CADM1: variants seen among roughly 807,000 people sequenced by gnomAD.
The protein encoded by CADM1 is cell adhesion molecule 1, also known as TSLC-1.
A neutral mutation model predicts 53.1 loss-of-function variants in CADM1; 15 were observed. The ratio of observed to expected loss-of-function variants is 0.28; its 90% CI spans 0.19 to 0.44. The LOEUF (loss-of-function observed/expected upper bound fraction) is 0.44. CADM1 is among the 20% of genes least tolerant of loss of function. The pLI, the probability that CADM1 is intolerant of heterozygous loss-of-function variation, is 1.00. For missense variants in CADM1, 434 were observed against 611.3 expected, an observed-to-expected ratio of 0.71 and a Z score of 3.06; for synonymous variants, 281 against 243.0, an observed-to-expected ratio of 1.16 and a Z score of -1.45.
At chr11:115,238,198 A>G (rs1047721666) in intron 3 of CADM1, among the ~76,000 whole-genome samples, 2 of 152,196 alleles carry the variant, frequency 1.3e-5, no homozygotes, top group African/African-American at 4.8e-5. Flanking sequence ...AAATCCCGGT[A>G]GTTAGAAGTA....
chr11:115,169,601 G>A lies in CADM1; in HGVS notation c.*6873C>T. Reference sequence around the variant, plus strand: ...ATAGCTGCCCTCATCACTTTATTCTGGGAGAGGAGGTTAGAGAAAACAGGC... The same window carrying A: ...ATAGCTGCCCTCATCACTTTATTCTAGGAGAGGAGGTTAGAGAAAACAGGC... On this transcript the variant is annotated 3_prime_UTR_variant, in exon 12 of 12. Transcript: ENST00000331581. 2.2e-6 allele frequency: 1 copy of A among 456,608 alleles called. No individual in the cohort carries two copies. 28.3% of individuals were successfully genotyped at this position (456,608 alleles called of 1,614,324 possible). A position where few individuals can be genotyped will look rare whatever the true frequency, so the allele number is the denominator to read the frequency against.
chr11:115,454,092 C>T (rs1225714682), intron 1 of CADM1, among the ~76,000 whole-genome samples: 1 of 151,926 alleles, frequency 6.6e-6, no homozygotes, highest in Non-Finnish European at 1.5e-5. Context: ...AAAGCCTTGC[C>T]TCTTCATGGA....
intron 1 of CADM1, among the ~76,000 whole-genome samples, chr11:115,318,348 C>A (rs2135181277): frequency 6.6e-6 from 1 of 152,258 alleles, no homozygotes. Context: ...TTCCAGAAAT[C>A]ACATCCTAAT....
At chr11:115,442,980 C>A (rs1046282505) in intron 1 of CADM1, among the ~76,000 whole-genome samples, 1 of 152,178 alleles carries the variant, frequency 6.6e-6, no homozygotes, top group African/African-American at 2.4e-5. Flanking sequence ...TAAGTAGATA[C>A]AAGAGGGTAT....
At chr11:115,234,242 T>C (rs1264510152) in intron 3 of CADM1, among the ~76,000 whole-genome samples, 2 of 152,336 alleles carry the variant, frequency 1.3e-5, no homozygotes, top group East Asian at 3.9e-4. Context: ...GGAAAGTCTT[T>C]ATTGCCTCCA....
chr11:115,481,954 A>C (rs1393414409), intron 1 of CADM1, among the ~76,000 whole-genome samples: 1 of 152,078 alleles, frequency 6.6e-6, no homozygotes, highest in Non-Finnish European at 1.5e-5. Context: ...CATGGAATAA[A>C]ACCCAGACTT....
In CADM1 at chr11:115,173,259, G is replaced by C. The variant is rs995335718; in HGVS notation, c.*3215C>G. ...AACACAGGGAAGTTGGTGAGGGTGG[G>C]GGGGCGGTGAGAGAGGGGATGAGTG... is the stretch of plus-strand genomic sequence containing the variant. On this transcript the variant is annotated 3_prime_UTR_variant, in exon 12 of 12. Coordinates refer to ENST00000331581, the MANE Select transcript of CADM1 (RefSeq NM_001301043.2). The C allele has an allele frequency of 6.6e-6, 1 of 152,378 alleles. No homozygotes were observed. Among genetic ancestry groups the C allele is most frequent in the Non-Finnish European group, 1.5e-5 (1 of 68,164 alleles). The allele number at this position is 152,378 out of a possible 1,614,324, so 9.4% of individuals were successfully genotyped here.
At chr11:115,358,635 T>C (rs1945942569) in intron 1 of CADM1, among the ~76,000 whole-genome samples, 1 of 152,168 alleles carries the variant, frequency 6.6e-6, no homozygotes, top group Non-Finnish European at 1.5e-5. Context: ...ATTATTACAC[T>C]CTTTTTATCC....
At chr11:115,241,786 T>C (rs1942241290) in intron 1 of CADM1, among the ~76,000 whole-genome samples, 1 of 152,140 alleles carries the variant, frequency 6.6e-6, no homozygotes, top group Non-Finnish European at 1.5e-5. Flanking sequence ...AGGACCTCCC[T>C]ATGCAGCTGT....
chr11:115,492,146 C>A (rs1318024375), intron 1 of CADM1, among the ~76,000 whole-genome samples: 5 of 151,940 alleles, frequency 3.3e-5, no homozygotes, highest in Non-Finnish European at 7.4e-5. Flanking sequence ...AAGTAAAATA[C>A]AGCCAAATGA....
intron 1 of CADM1, among the ~76,000 whole-genome samples, chr11:115,255,740 T>C: frequency 6.6e-6 from 1 of 152,182 alleles, no homozygotes; most frequent in Admixed American, 6.5e-5. Flanking sequence ...TTTTTAAAAA[T>C]TCAAGGTTGC....
chr11:115,259,557 C>T (rs567428747), intron 1 of CADM1, among the ~76,000 whole-genome samples: 6 of 152,110 alleles, frequency 3.9e-5, no homozygotes, highest in East Asian at 1.9e-4. Flanking sequence ...CCACCCGCCT[C>T]GGCCTCCTGA....
chr11:115,378,361 G>C (rs760117838), intron 1 of CADM1, among the ~76,000 whole-genome samples: 1 of 152,008 alleles, frequency 6.6e-6, no homozygotes, highest in Non-Finnish European at 1.5e-5. Flanking sequence ...TACTCTCATT[G>C]GAGGTTGAAC....
At chr11:115,249,646 G>A (rs1398117934) in intron 1 of CADM1, among the ~76,000 whole-genome samples, 1 of 152,108 alleles carries the variant, frequency 6.6e-6, no homozygotes, top group African/African-American at 2.4e-5. Flanking sequence ...AAATCTAAGG[G>A]AACTTAGATT....
chr11:115,300,639 C>T (rs1944195692), intron 1 of CADM1, among the ~76,000 whole-genome samples: 1 of 151,988 alleles, frequency 6.6e-6, no homozygotes, highest in Non-Finnish European at 1.5e-5. Flanking sequence ...AGGGAATGCT[C>T]GTATCCCTAT....
At chr11:115,260,695 C>T (rs546816274) in intron 1 of CADM1, among the ~76,000 whole-genome samples, 23 of 152,038 alleles carry the variant, frequency 1.5e-4, no homozygotes, top group Admixed American at 8.5e-4. Flanking sequence ...TTTTTTCAGA[C>T]GGGGTCTCGC....
At chr11:115,456,017 G>T (rs773177525) in intron 1 of CADM1, among the ~76,000 whole-genome samples, 8 of 152,130 alleles carry the variant, frequency 5.3e-5, no homozygotes, top group Non-Finnish European at 7.3e-5. Flanking sequence ...GGAAGTTGAT[G>T]TCCTGAGGTG....
intron 1 of CADM1, among the ~76,000 whole-genome samples, chr11:115,463,255 C>G (rs547809017): frequency 1.2e-4 from 19 of 152,182 alleles, no homozygotes; most frequent in Admixed American, 5.9e-4. Context: ...TTAGACACCT[C>G]TGACCACAGC....
At chr11:115,488,378 T>TC (rs939384661) in intron 1 of CADM1, among the ~76,000 whole-genome samples, 7 of 151,924 alleles carry the variant, frequency 4.6e-5, no homozygotes, top group African/African-American at 1.7e-4. Flanking sequence ...GAGGCCCTCC[T>TC]CCCCCTCCCA....
Sources: allele counts gnomAD v4.1 joint callset (sites outside exome capture counted in the v4.1 genomes callset), GRCh38; gene constraint gnomAD v4.1.1; transcripts MANE v1.5; gene names NCBI Gene and HGNC (gene_info 2026-07-23, HGNC 2026-07-21).